ZC3HC1: variants seen among roughly 807,000 people sequenced by gnomAD.
The protein encoded by ZC3HC1 is zinc finger C3HC-type protein 1.
A neutral mutation model predicts 61.9 loss-of-function variants in ZC3HC1; 38 were observed. The observed-to-expected ratio is 0.61, with a 90% CI of 0.47 to 0.81. The LOEUF is 0.81. Ranked by LOEUF, ZC3HC1 falls within the 30% of genes least tolerant of loss-of-function variation. ZC3HC1 has a pLI of 0.00. For synonymous variants in ZC3HC1, 213 were observed against 229.9 expected, an observed-to-expected ratio of 0.93 and a Z score of 0.67; for missense variants, 554 against 622.7, an observed-to-expected ratio of 0.89 and a Z score of 1.17.
At chr7:130,026,108 G>A (rs769799763) in intron 6 of ZC3HC1, 50 bp downstream of exon 6, 30 of 1,584,724 alleles carry the variant, frequency 1.9e-5, no homozygotes, top group East Asian at 2.2e-5. Context: ...ATATATGGGT[G>A]TAATGCTGTT....
chr7:130,050,317 T>C, intron 1 of ZC3HC1: 2 of 995,276 alleles, frequency 2.0e-6, no homozygotes, highest in Non-Finnish European at 2.9e-6. Flanking sequence ...GACCTCGTGA[T>C]CTGCCCGCTT....
At chr7:130,019,060 T>C (rs1793503370) in intron 9 of ZC3HC1, among the ~76,000 whole-genome samples, 1 of 150,632 alleles carries the variant, frequency 6.6e-6, no homozygotes, top group African/African-American at 2.4e-5. Flanking sequence ...TTTTCTTTTT[T>C]TTTTTTTTTT....
chr7:130,047,004 C>T (rs1794892860), intron 2 of ZC3HC1, among the ~76,000 whole-genome samples: 2 of 152,010 alleles, frequency 1.3e-5, no homozygotes, highest in Non-Finnish European at 2.9e-5. Flanking sequence ...TTCCTGTCGC[C>T]CAGGCTGGAG....
chr7:130,040,638 T>C (rs1794617796), intron 3 of ZC3HC1, among the ~76,000 whole-genome samples: 1 of 147,640 alleles, frequency 6.8e-6, no homozygotes, highest in South Asian at 2.1e-4. Flanking sequence ...AAACCCCACC[T>C]CTACAAAAAA....
chr7:130,039,674 T>A, intron 3 of ZC3HC1, 127 bp from the exon 4 acceptor site: 1 of 628,514 alleles, frequency 1.6e-6, no homozygotes, highest in Non-Finnish European at 2.6e-6. Context: ...TATTATCAAG[T>A]ACATAATCTT....
intron 2 of ZC3HC1, among the ~76,000 whole-genome samples, chr7:130,046,685 A>C (rs1057481328): frequency 2.0e-5 from 3 of 152,230 alleles, no homozygotes; most frequent in Non-Finnish European, 4.4e-5. Flanking sequence ...ATAGCACACT[A>C]GGTATGTTTC....
At position 130,023,159 on chromosome 7, in the gene ZC3HC1, C is replaced by T. The variant is rs979867707; in HGVS notation, c.1233+352G>A. The T allele has an allele frequency of 1.0e-4, 28 of 273,778 alleles. No individual in the cohort carries two copies. In the South Asian group the frequency reaches 1.3e-3, roughly 13 times the overall value. 17.0% of individuals were successfully genotyped at this position (273,778 alleles called of 1,614,324 possible). A position where few individuals can be genotyped will look rare whatever the true frequency, so the allele number is the denominator to read the frequency against. On this transcript the variant is annotated intron_variant, in intron 8 of 9. Transcript: ENST00000358303. This position sits in a 1 kb window ranked among gnomAD's most constrained non-coding sequence, Gnocchi z 4.2. Reference sequence around the variant, plus strand: ...TACATGTAATGTGCTCGTATCATCCCGAAACCATCCTCCCAACCGTGGTCC... The same window carrying T: ...TACATGTAATGTGCTCGTATCATCCTGAAACCATCCTCCCAACCGTGGTCC...
chr7:130,038,439 C>T (rs1794506134), intron 4 of ZC3HC1, among the ~76,000 whole-genome samples: 1 of 152,150 alleles, frequency 6.6e-6, no homozygotes, highest in Non-Finnish European at 1.5e-5. Flanking sequence ...TACAGGAAAC[C>T]TAGGTAGAAC....
chr7:130,031,236 G>T (rs994384420), intron 4 of ZC3HC1, among the ~76,000 whole-genome samples: 2 of 147,488 alleles, frequency 1.4e-5, no homozygotes, highest in Non-Finnish European at 3.0e-5. Flanking sequence ...GGCTGAGGCA[G>T]AATCGCTTGA....
At chr7:130,027,911 G>A (rs1219999638) in intron 5 of ZC3HC1, among the ~76,000 whole-genome samples, 2 of 151,326 alleles carry the variant, frequency 1.3e-5, no homozygotes, top group Admixed American at 1.3e-4. Context: ...GCTCACATCT[G>A]TAATCCCAGC....
At chr7:130,042,605 G>C (rs1445951351) in intron 2 of ZC3HC1, among the ~76,000 whole-genome samples, 1 of 152,160 alleles carries the variant, frequency 6.6e-6, no homozygotes, top group East Asian at 1.9e-4. Flanking sequence ...ACAGCTAAAA[G>C]CATCTGTAAG....
intron 1 of ZC3HC1, chr7:130,050,628 C>A: frequency 2.7e-6 from 2 of 749,516 alleles, no homozygotes; most frequent in African/African-American, 1.8e-5. Flanking sequence ...GCAGTACCTG[C>A]TAATTTGTCA....
rs763717089 is a variant in ZC3HC1, at chr7:130,018,578, T to C, written c.*86A>G. 10 of 1,186,834 alleles carry C rather than the reference T, an allele frequency of 8.4e-6. 1 individual carries two copies. The Middle Eastern group carries it at 1.4e-3, about 165-fold the overall frequency. 73.5% of individuals were successfully genotyped at this position (1,186,834 alleles called of 1,614,324 possible). ...TTAACCCAGAACAGGAAAAACTTAG[T>C]GTCAGCTGACCGAAAGGAACTCAGC... On this transcript the variant is annotated 3_prime_UTR_variant, in exon 10 of 10. Coordinates refer to ENST00000358303, the MANE Select transcript of ZC3HC1 (RefSeq NM_016478.5).
intron 2 of ZC3HC1, chr7:130,043,485 A>G (rs561783788): frequency 6.4e-6 from 1 of 157,314 alleles, no homozygotes; most frequent in African/African-American, 2.4e-5. Context: ...TATCTAGAAT[A>G]AAAGTAATGG....
intron 4 of ZC3HC1, among the ~76,000 whole-genome samples, chr7:130,032,778 G>GAAGGAGGGAAGGGAAGGAGGGA (rs1156773844): frequency 8.9e-6 from 1 of 112,330 alleles, no homozygotes; most frequent in Non-Finnish European, 1.8e-5. Flanking sequence ...GGAGGGAAGG[G>GAAGGAGGGAAGGGAAGGAGGGA]AGGGAGGGGA....
intron 3 of ZC3HC1, among the ~76,000 whole-genome samples, chr7:130,040,016 G>A (rs1282443754): frequency 3.3e-5 from 5 of 151,152 alleles, no homozygotes; most frequent in Non-Finnish European, 5.9e-5. Flanking sequence ...CACTGCGCCC[G>A]GCCCCCATGT....
intron 4 of ZC3HC1, among the ~76,000 whole-genome samples, chr7:130,034,596 G>A (rs879322473): frequency 4.0e-5 from 6 of 151,766 alleles, no homozygotes; most frequent in Non-Finnish European, 8.8e-5. Context: ...CTGGGTTAAA[G>A]GGATCCTCCT....
In ZC3HC1 at chr7:130,026,214, T is replaced by G; in HGVS notation, c.720A>C (p.Ser240=). The G allele has an allele frequency of 6.2e-7, 1 of 1,614,198 alleles. No individual in the cohort carries two copies. The highest frequency in any genetic ancestry group is 8.5e-7 in the Non-Finnish European group (1 of 1,180,020). ...DERKTTIKLG[S]DIQVHVTACI... ...AGGCAGTGACGTGGACTTGGATGTCTGAGCCTAATTTGATTGTAGTTTTTC... is the reference window on the plus strand; with the variant it reads ...AGGCAGTGACGTGGACTTGGATGTCGGAGCCTAATTTGATTGTAGTTTTTC... Residue 240 remains serine (S), a synonymous_variant, in exon 6 of 10, where the codon TCA becomes TCC. Transcript: ENST00000358303.
chr7:130,040,650 A>T (rs897128103), intron 3 of ZC3HC1, among the ~76,000 whole-genome samples: 12 of 151,428 alleles, frequency 7.9e-5, no homozygotes, highest in Non-Finnish European at 1.5e-4. Context: ...TACAAAAAAA[A>T]AACAAAAATT....
Sources: gnomAD v4.1 joint callset for allele counts (sites outside exome capture counted in the v4.1 genomes callset) on GRCh38, gnomAD v4.1.1 for gene constraint, Gnocchi (gnomAD v3.1) non-coding constraint, MANE v1.5 for transcripts, NCBI Gene and HGNC (gene_info 2026-07-23, HGNC 2026-07-21) for gene names.